Variants in DLG5 observed in about 807,000 individuals in gnomAD.
DLG5 encodes disks large homolog 5.
DLG5 carries 48 observed loss-of-function variants against 189.8 expected under a neutral mutation model. The observed-to-expected ratio is 0.25, with a 90% CI of 0.20 to 0.32. The LOEUF (loss-of-function observed/expected upper bound fraction) is 0.32, where lower values mean the gene tolerates loss of function less well. DLG5 is among the 10% of genes least tolerant of loss of function. The pLI is 1.00. For synonymous variants in DLG5, 1,016 were observed against 1,054.1 expected (o/e 0.96, Z 0.70); for missense variants, 2,160 against 2,544.7 (o/e 0.85, Z 3.25).
rs1175303991 is a variant in DLG5 at position 77,857,719 on chromosome 10, G to A, written c.374-827C>T. Among the ~76,000 whole-genome samples the A allele has an allele frequency of 2.0e-5, 3 of 152,238 alleles. No homozygotes were observed. The East Asian group carries it at 5.8e-4, about 29-fold the overall frequency. On this transcript the variant is annotated intron_variant, in intron 2 of 31. Coordinates refer to ENST00000372391, the MANE Select transcript of DLG5 (RefSeq NM_004747.4). Reference sequence around the variant, plus strand: ...AGGAAGAAAGCACCTCATCCCAGGAGAAGAGACTAATCCATGGTGCTTTTA... The same window carrying A: ...AGGAAGAAAGCACCTCATCCCAGGAAAAGAGACTAATCCATGGTGCTTTTA...
intron 23 of DLG5, among the ~76,000 whole-genome samples, chr10:77,810,682 G>A (rs948540495): frequency 2.0e-5 from 3 of 152,194 alleles, no homozygotes; most frequent in East Asian, 1.9e-4. Flanking sequence ...TGCGGCGGCC[G>A]GCAGTGCCCT....
intron 1 of DLG5, among the ~76,000 whole-genome samples, chr10:77,913,132 G>A (rs957712054): frequency 8.5e-5 from 13 of 152,078 alleles, no homozygotes; most frequent in African/African-American, 2.9e-4. Context: ...CACTTTGTAC[G>A]TGTTATTTCA....
rs760330551 is a variant in DLG5 at position 77,805,789 on chromosome 10, C to T, written c.5040G>A (p.Leu1680=). 1.9e-6 allele frequency: 3 copies of T among 1,614,114 alleles called. No homozygotes were observed. The highest frequency in any genetic ancestry group is 2.5e-6 in the Non-Finnish European group (3 of 1,180,058). Residue 1680 remains leucine (L), a synonymous_variant, in exon 27 of 32, where the codon CTG becomes CTA. Coordinates refer to ENST00000372391, the MANE Select transcript of DLG5 (RefSeq NM_004747.4). ...VKDDNSATKT[L]SAAARRSFFR... Reference sequence around the variant, plus strand: ...AAAAGGACCGGCGTGCAGCCGCTGACAGCGTCTTTGTGGCGCTATTGTCAT... The same window carrying T: ...AAAAGGACCGGCGTGCAGCCGCTGATAGCGTCTTTGTGGCGCTATTGTCAT...
At position 77,792,132 on chromosome 10, in the gene DLG5, C is replaced by A. The variant is rs561830932; in HGVS notation, c.*308G>T. 7.8e-5 allele frequency: 31 copies of A among 397,360 alleles called. No homozygotes were observed. Among genetic ancestry groups the A allele is most frequent in the Non-Finnish European group, 1.4e-4 (30 of 220,314 alleles). 24.6% of individuals were successfully genotyped at this position (397,360 alleles called of 1,614,324 possible). On this transcript the variant is annotated 3_prime_UTR_variant, in exon 32 of 32. Coordinates refer to ENST00000372391, the MANE Select transcript of DLG5 (RefSeq NM_004747.4). The stretch of plus-strand genomic sequence containing the variant: ...TAGAAAAGGCTTGTAAACGAGTGAT[C>A]CGAAAGGTTCTCTTTGCAGCATCTC...
At chr10:77,906,406 C>A (rs1427662845) in intron 1 of DLG5, among the ~76,000 whole-genome samples, 1 of 152,124 alleles carries the variant, frequency 6.6e-6, no homozygotes, top group Admixed American at 6.5e-5. Flanking sequence ...AGCACTTGTA[C>A]CGTAAGCATC....
chr10:77,872,594 G>C (rs992044920), intron 1 of DLG5, among the ~76,000 whole-genome samples: 1 of 152,130 alleles, frequency 6.6e-6, no homozygotes, highest in African/African-American at 2.4e-5. Flanking sequence ...ACGTCATTAA[G>C]GGGGAAAAAA....
At chr10:77,801,741 A>G (rs1272488080) in intron 27 of DLG5, among the ~76,000 whole-genome samples, 4 of 152,228 alleles carry the variant, frequency 2.6e-5, no homozygotes, top group African/African-American at 7.2e-5. Context: ...TGCCTTCAGC[A>G]CTGAGCCTGG....
At chr10:77,883,052 G>A (rs1166493726) in intron 1 of DLG5, among the ~76,000 whole-genome samples, 1 of 152,130 alleles carries the variant, frequency 6.6e-6, no homozygotes, top group Non-Finnish European at 1.5e-5. Flanking sequence ...CATTACTATG[G>A]GTGAAAGCTC....
At chr10:77,813,695 G>A (rs149688894) in intron 20 of DLG5, among the ~76,000 whole-genome samples, 39 of 152,182 alleles carry the variant, frequency 2.6e-4, no homozygotes, top group Non-Finnish European at 4.1e-4. Flanking sequence ...GTCCACCTCC[G>A]TACAACACGT....
intron 1 of DLG5, 67 bp from the exon 2 acceptor site, chr10:77,869,264 G>T: frequency 6.8e-7 from 1 of 1,472,730 alleles, no homozygotes; most frequent in Non-Finnish European, 9.5e-7. Flanking sequence ...CAAGCCAGCT[G>T]ATCATCAGTC....
At chr10:77,794,185 C>G (rs1797878762) in intron 30 of DLG5, 68 bp from the exon 31 acceptor site, 1 of 1,437,180 alleles carries the variant, frequency 7.0e-7, no homozygotes, top group Admixed American at 1.7e-5. Flanking sequence ...TTCCTCTGTC[C>G]AGGCTAACAG....
intron 1 of DLG5, among the ~76,000 whole-genome samples, chr10:77,880,616 C>T (rs1845249570): frequency 6.6e-6 from 1 of 152,118 alleles, no homozygotes; most frequent in Non-Finnish European, 1.5e-5. Flanking sequence ...CTCCACCTAC[C>T]CCCTGAACTT....
At chr10:77,805,491 T>C (rs928990591) in intron 27 of DLG5, among the ~76,000 whole-genome samples, 174 bp downstream of exon 27, 5 of 152,100 alleles carry the variant, frequency 3.3e-5, no homozygotes, top group African/African-American at 1.2e-4. Flanking sequence ...CCACACCCCA[T>C]AGATGTGGCT....
intron 1 of DLG5, among the ~76,000 whole-genome samples, chr10:77,893,551 C>G (rs1184538742): frequency 1.3e-5 from 2 of 152,242 alleles, no homozygotes; most frequent in Non-Finnish European, 2.9e-5. Flanking sequence ...CCGCCCCAGA[C>G]AGCAGCACCT....
chr10:77,798,704 A>G (rs914736983), intron 27 of DLG5, among the ~76,000 whole-genome samples: 5 of 152,168 alleles, frequency 3.3e-5, no homozygotes, highest in African/African-American at 1.2e-4. Flanking sequence ...TGGGCATCCC[A>G]TTAACACTTA....
intron 1 of DLG5, among the ~76,000 whole-genome samples, chr10:77,908,581 T>C (rs1276330390): frequency 6.6e-6 from 1 of 152,168 alleles, no homozygotes; most frequent in Non-Finnish European, 1.5e-5. Context: ...AACCCGCCAG[T>C]CACAGAATGG....
At chr10:77,802,275 G>C (rs1054720753) in intron 27 of DLG5, among the ~76,000 whole-genome samples, 1 of 152,194 alleles carries the variant, frequency 6.6e-6, no homozygotes, top group African/African-American at 2.4e-5. Flanking sequence ...AAGAGAGCCA[G>C]GGACCAGGAA....
intron 1 of DLG5, among the ~76,000 whole-genome samples, chr10:77,913,925 G>A (rs1324059683): frequency 1.3e-5 from 2 of 152,042 alleles, no homozygotes; most frequent in African/African-American, 4.8e-5. Context: ...AAGGAAGAAA[G>A]ACAGGGAGGG....
chr10:77,846,300 G>C (rs547232024), intron 5 of DLG5, among the ~76,000 whole-genome samples: 11 of 152,366 alleles, frequency 7.2e-5, no homozygotes, highest in Admixed American at 5.2e-4. Context: ...GTGAAGGACA[G>C]TCCTGACATC....
Sources: gnomAD v4.1 joint callset for allele counts (sites outside exome capture counted in the v4.1 genomes callset) on GRCh38, gnomAD v4.1.1 for gene constraint, MANE v1.5 for transcripts, NCBI Gene and HGNC (gene_info 2026-07-23, HGNC 2026-07-21) for gene names.